PDZD2: variants seen among roughly 807,000 people sequenced by gnomAD.
PDZD2 encodes PDZ domain containing 2, also known as PDZ domain-containing protein 2.
A neutral mutation model predicts 220.7 loss-of-function variants in PDZD2; 90 were observed. That is an observed-to-expected ratio of 0.41 (90% CI 0.34 to 0.49). The LOEUF (loss-of-function observed/expected upper bound fraction) is 0.49, where lower values mean the gene tolerates loss of function less well. Ranked by LOEUF, PDZD2 falls within the 20% of genes least tolerant of loss-of-function variation. The pLI is 0.28. For missense variants in PDZD2, 3,174 were observed against 3,608.5 expected, an observed-to-expected ratio of 0.88 and a Z score of 3.08; for synonymous variants, 1,375 against 1,450.5, an observed-to-expected ratio of 0.95 and a Z score of 1.18.
intron 1 of PDZD2, among the ~76,000 whole-genome samples, chr5:31,671,443 A>G (rs1746210482): frequency 2.0e-5 from 3 of 152,162 alleles, no homozygotes; most frequent in African/African-American, 7.2e-5. Flanking sequence ...GTGCAATGTC[A>G]TGTCAGGACA....
chr5:31,992,343 T>G (rs1246003746), intron 3 of PDZD2, among the ~76,000 whole-genome samples: 1 of 152,202 alleles, frequency 6.6e-6, no homozygotes, highest in Non-Finnish European at 1.5e-5. Context: ...CATGACTTTA[T>G]TTTTAACGAG....
At chr5:31,778,773 C>T (rs979374887) in intron 1 of PDZD2, among the ~76,000 whole-genome samples, 7 of 152,076 alleles carry the variant, frequency 4.6e-5, no homozygotes, top group Admixed American at 3.3e-4. Flanking sequence ...TGTGAGCCAC[C>T]GCACCCAGCC....
At chr5:31,960,188 C>A (rs1748081345) in intron 2 of PDZD2, among the ~76,000 whole-genome samples, 1 of 144,754 alleles carries the variant, frequency 6.9e-6, no homozygotes, top group African/African-American at 2.9e-5. Context: ...TCCTTCCTTC[C>A]TTTTCTTTCC....
At chr5:31,848,186 A>G (rs1160067340) in intron 2 of PDZD2, 1 of 229,002 alleles carries the variant, frequency 4.4e-6, no homozygotes, top group Non-Finnish European at 8.8e-6. Context: ...GATTTTTCAG[A>G]TAAAGACAAT....
chr5:32,068,113 G>A (rs1021059169), intron 14 of PDZD2, among the ~76,000 whole-genome samples: 1 of 150,980 alleles, frequency 6.6e-6, no homozygotes, highest in Non-Finnish European at 1.5e-5. Flanking sequence ...AATGCACTGA[G>A]AAGGAAATCA....
At chr5:32,052,489 A>G (rs1738659106) in intron 8 of PDZD2, 122 bp from the exon 9 acceptor site, 1 of 915,150 alleles carries the variant, frequency 1.1e-6, no homozygotes, top group Non-Finnish European at 1.8e-6. Flanking sequence ...TCACTGAACC[A>G]GAGAGAAATG....
intron 1 of PDZD2, among the ~76,000 whole-genome samples, chr5:31,780,556 C>T (rs1226250811): frequency 1.3e-5 from 2 of 152,196 alleles, no homozygotes; most frequent in African/African-American, 4.8e-5. Flanking sequence ...TTTCTGCCCT[C>T]TGGGATAGAA....
chr5:31,659,508 C>T (rs965493961), intron 1 of PDZD2, among the ~76,000 whole-genome samples: 4 of 152,114 alleles, frequency 2.6e-5, no homozygotes, highest in Non-Finnish European at 5.9e-5. Context: ...TGCTCCCCAG[C>T]TTGGTCAGTG....
chr5:31,858,800 C>A (rs945740257), intron 2 of PDZD2, among the ~76,000 whole-genome samples: 2 of 149,566 alleles, frequency 1.3e-5, no homozygotes, highest in African/African-American at 4.9e-5. Context: ...CTCACTGCAA[C>A]CTCTGCCTCC....
At chr5:31,656,329 C>T (rs1045577566) in intron 1 of PDZD2, among the ~76,000 whole-genome samples, 3 of 152,170 alleles carry the variant, frequency 2.0e-5, no homozygotes, top group Non-Finnish European at 2.9e-5. Flanking sequence ...CAGCCTCCCC[C>T]GGAACACCTG....
intron 13 of PDZD2, among the ~76,000 whole-genome samples, chr5:32,060,685 GC>G (rs1344451510): frequency 1.3e-5 from 2 of 151,920 alleles, no homozygotes; most frequent in Non-Finnish European, 2.9e-5. Context: ...TATACAGCAT[GC>G]TTTGTACAGT....
At chr5:31,673,755 G>A (rs1445228789) in intron 1 of PDZD2, among the ~76,000 whole-genome samples, 1 of 152,164 alleles carries the variant, frequency 6.6e-6, no homozygotes, top group Admixed American at 6.5e-5. Context: ...TGGATCATCT[G>A]AGGTCAGGAG....
chr5:32,026,290 C>A (rs1754656815), intron 6 of PDZD2, among the ~76,000 whole-genome samples: 1 of 152,148 alleles, frequency 6.6e-6, no homozygotes. Flanking sequence ...GCATGTGCCA[C>A]CACACCCAGC....
intron 6 of PDZD2, among the ~76,000 whole-genome samples, chr5:32,021,403 T>G (rs919722909): frequency 6.6e-6 from 1 of 152,046 alleles, no homozygotes; most frequent in African/African-American, 2.4e-5. Flanking sequence ...TTCAAGCAAT[T>G]CTCATGCCTC....
At chr5:31,970,730 A>G (rs1428717861) in intron 2 of PDZD2, among the ~76,000 whole-genome samples, 2 of 152,152 alleles carry the variant, frequency 1.3e-5, no homozygotes, top group Non-Finnish European at 2.9e-5. Flanking sequence ...CACTGATGGG[A>G]TTCTAAATTG....
At chr5:31,880,060 C>T (rs1027329727) in intron 2 of PDZD2, among the ~76,000 whole-genome samples, 2 of 151,598 alleles carry the variant, frequency 1.3e-5, no homozygotes, top group Admixed American at 1.3e-4. Flanking sequence ...ATGACAGGCG[C>T]CCACCACCAC....
Position 32,087,082 on chromosome 5 carries a change from C to A in PDZD2, c.3683-49C>A. 9.7e-7 allele frequency: 1 copy of A among 1,034,280 alleles called. No individual in the cohort carries two copies. Among genetic ancestry groups the A allele is most frequent in the Non-Finnish European group, 1.5e-6 (1 of 681,810 alleles). The allele number at this position is 1,034,280 out of a possible 1,614,324, so 64.1% of individuals were successfully genotyped here. A position where few individuals can be genotyped will look rare whatever the true frequency, so the allele number is the denominator to read the frequency against. On this transcript the variant is annotated intron_variant, in intron 19 of 24. Transcript: ENST00000438447. This position sits in a 1 kb window ranked among gnomAD's most constrained non-coding sequence, Gnocchi z 4.0. ...TTCTTATATTATCCCTTTTATCTCCCCTACAACCTCTCCTGTGTATGTACC... is the reference window on the plus strand; with the variant it reads ...TTCTTATATTATCCCTTTTATCTCCACTACAACCTCTCCTGTGTATGTACC...
At chr5:32,064,387 G>A (rs990635125) in intron 14 of PDZD2, among the ~76,000 whole-genome samples, 6 of 151,746 alleles carry the variant, frequency 4.0e-5, no homozygotes, top group South Asian at 2.1e-4. Flanking sequence ...GATTATAGGC[G>A]GGCGCTGCCA....
intron 2 of PDZD2, chr5:31,908,417 A>C: frequency 1.9e-6 from 1 of 524,736 alleles, no homozygotes; most frequent in Middle Eastern, 3.6e-4. Flanking sequence ...GAGATCCGGG[A>C]GATCTCAGAC....
Sources: gnomAD v4.1 joint callset for allele counts (sites outside exome capture counted in the v4.1 genomes callset) on GRCh38, gnomAD v4.1.1 for gene constraint, Gnocchi (gnomAD v3.1) non-coding constraint, MANE v1.5 for transcripts, NCBI Gene and HGNC (gene_info 2026-07-23, HGNC 2026-07-21) for gene names.